The following MATN2 variants were observed in gnomAD, a reference collection of about 807,000 sequenced individuals.
MATN2 encodes the protein matrilin-2.
MATN2 carries 69 observed loss-of-function variants against 103.2 expected under a neutral mutation model. The ratio of observed to expected loss-of-function variants is 0.67; its 90% confidence interval spans 0.55 to 0.82. The LOEUF is 0.82. Ranked by LOEUF, MATN2 falls within the 40% of genes least tolerant of loss-of-function variation. MATN2 has a pLI of 0.00. For missense variants in MATN2, 1,023 were observed against 1,211.5 expected, an observed-to-expected ratio of 0.84 and a Z score of 2.31; for synonymous variants, 429 against 450.2, an observed-to-expected ratio of 0.95 and a Z score of 0.60.
chr8:97,984,963 A>G (rs531464202), intron 6 of MATN2, among the ~76,000 whole-genome samples: 162 of 152,380 alleles, frequency 1.1e-3, no homozygotes, highest in African/African-American at 3.6e-3. Flanking sequence ...AGGCAGAGGT[A>G]GAAATGAAAT....
At chr8:97,928,425 A>G (rs892519685) in intron 2 of MATN2, among the ~76,000 whole-genome samples, 30 of 152,002 alleles carry the variant, frequency 2.0e-4, no homozygotes, top group African/African-American at 6.3e-4. Context: ...TTGGCGCTTC[A>G]CCATGTTAGC....
intron 14 of MATN2, among the ~76,000 whole-genome samples, chr8:98,028,284 G>A (rs1050408411): frequency 1.1e-4 from 17 of 152,152 alleles, no homozygotes; most frequent in African/African-American, 4.1e-4. Context: ...AAATGCAATA[G>A]CCCCTAGGGT....
At chr8:98,021,056 TGA>T (rs1813571217) in intron 12 of MATN2, 147 bp from the exon 13 acceptor site, 1 of 677,252 alleles carries the variant, frequency 1.5e-6, no homozygotes, top group Non-Finnish European at 2.4e-6. Flanking sequence ...ATCCTGAGTA[TGA>T]GACTGCAAAA....
intron 2 of MATN2, among the ~76,000 whole-genome samples, chr8:97,918,674 G>C (rs1809713656): frequency 6.6e-6 from 1 of 152,176 alleles, no homozygotes; most frequent in Non-Finnish European, 1.5e-5. Flanking sequence ...CTTGAGTTGA[G>C]CTTTATCTCC....
At chr8:97,881,951 C>T (rs1212433223) in intron 1 of MATN2, among the ~76,000 whole-genome samples, 3 of 121,976 alleles carry the variant, frequency 2.5e-5, no homozygotes, top group Non-Finnish European at 4.9e-5. Context: ...CAGAGTCTCA[C>T]TCTGTTGTTG....
chr8:97,934,760 G>T (rs906578051), intron 3 of MATN2, among the ~76,000 whole-genome samples: 1 of 152,106 alleles, frequency 6.6e-6, no homozygotes, highest in Non-Finnish European at 1.5e-5. Flanking sequence ...AGCAGGTAGG[G>T]GAACAGTCAA....
chr8:97,901,824 C>T (rs1818993393), intron 2 of MATN2, among the ~76,000 whole-genome samples: 1 of 152,124 alleles, frequency 6.6e-6, no homozygotes, highest in African/African-American at 2.4e-5. Context: ...GGGCTTGATG[C>T]CTTTTGTAGA....
At chr8:97,960,249 G>A (rs1474442136) in intron 4 of MATN2, among the ~76,000 whole-genome samples, 1 of 152,150 alleles carries the variant, frequency 6.6e-6, no homozygotes, top group Non-Finnish European at 1.5e-5. Context: ...GAGCTACCAC[G>A]CCCGGCCAGT....
intron 2 of MATN2, among the ~76,000 whole-genome samples, chr8:97,915,847 T>C (rs1358141387): frequency 6.6e-6 from 1 of 152,148 alleles, no homozygotes; most frequent in Admixed American, 6.5e-5. Flanking sequence ...CTCTCTTGTA[T>C]TGAGGGATGG....
chr8:97,928,285 G>A (rs1322915387), intron 2 of MATN2, among the ~76,000 whole-genome samples: 2 of 140,996 alleles, frequency 1.4e-5, no homozygotes, highest in Non-Finnish European at 3.0e-5. Context: ...GGAGTGCAGT[G>A]GCGCCATCTC....
intron 4 of MATN2, among the ~76,000 whole-genome samples, chr8:97,959,716 A>T (rs1811245883): frequency 1.3e-5 from 2 of 152,210 alleles, no homozygotes; most frequent in South Asian, 4.1e-4. Context: ...CGTTTTTAAA[A>T]TGTGATGATG....
At chr8:98,028,168 G>A (rs1169049654) in intron 14 of MATN2, among the ~76,000 whole-genome samples, 1 of 152,202 alleles carries the variant, frequency 6.6e-6, no homozygotes, top group Non-Finnish European at 1.5e-5. Flanking sequence ...TGGTCGGCTT[G>A]CTCTAGAATC....
At chr8:97,978,421 G>A (rs949308082) in intron 5 of MATN2, among the ~76,000 whole-genome samples, 3 of 152,096 alleles carry the variant, frequency 2.0e-5, no homozygotes, top group African/African-American at 7.2e-5. Flanking sequence ...ATAGTTTATT[G>A]TATATAATTT....
chr8:97,996,796 G>A (rs16896518), intron 7 of MATN2, among the ~76,000 whole-genome samples: 18,452 of 152,156 alleles, frequency 0.12, 1,243 homozygotes, highest in Admixed American at 0.21. Flanking sequence ...TCTGGAGTCC[G>A]TTATTAGAAG....
intron 4 of MATN2, chr8:97,950,864 A>G (rs896580344): frequency 2.0e-5 from 3 of 152,314 alleles, no homozygotes; most frequent in Non-Finnish European, 4.4e-5. Flanking sequence ...GCAGCTGGAG[A>G]TGGAGAATTC....
chr8:98,031,012 C>T (rs1264926408), intron 15 of MATN2, among the ~76,000 whole-genome samples: 1 of 152,124 alleles, frequency 6.6e-6, no homozygotes, highest in African/African-American at 2.4e-5. Context: ...GTGTCTCCTT[C>T]ATGGGCAGGG....
intron 13 of MATN2, among the ~76,000 whole-genome samples, chr8:98,026,355 G>A (rs1586170872): frequency 6.6e-6 from 1 of 151,362 alleles, no homozygotes; most frequent in East Asian, 1.9e-4. Context: ...TAATTCTTGG[G>A]CTCCGGTAAT....
rs200437336 is a variant in MATN2, at chr8:97,939,265, C to T, written c.713-2512C>T. 5.3e-5 allele frequency among the ~76,000 whole-genome samples: 8 copies of T among 152,196 alleles called. No individual in the cohort carries two copies. The East Asian group carries it at 1.3e-3, about 26-fold the overall frequency. The stretch of plus-strand genomic sequence containing the variant: ...TCCTGACTGAATGAAACTTACCTAA[C>T]ACATGTTTTCCCTGTAAGGCACATC... On this transcript the variant is annotated intron_variant, in intron 3 of 18. Transcript: ENST00000254898.
intron 12 of MATN2, among the ~76,000 whole-genome samples, chr8:98,018,811 T>C (rs1370598496): frequency 1.3e-5 from 2 of 152,008 alleles, no homozygotes; most frequent in Admixed American, 6.6e-5. Context: ...CCACAACACG[T>C]GGGAATTGTG....
Sources: gnomAD v4.1 joint callset for allele counts (sites outside exome capture counted in the v4.1 genomes callset) on GRCh38, gnomAD v4.1.1 for gene constraint, MANE v1.5 for transcripts, NCBI Gene and HGNC (gene_info 2026-07-23, HGNC 2026-07-21) for gene names.